Variants in RIMBP2 observed in about 807,000 individuals in gnomAD.
RIMBP2 encodes RIMS binding protein 2, also known as RIMS-binding protein 2.
A neutral mutation model predicts 118.6 loss-of-function variants in RIMBP2; 48 were observed. That is an observed-to-expected ratio of 0.40 (90% CI 0.32 to 0.51). RIMBP2 has a LOEUF of 0.51. RIMBP2 is among the 20% of genes least tolerant of loss of function. RIMBP2 has a pLI of 0.41. For missense variants in RIMBP2, 1,551 were observed against 1,768.3 expected (o/e 0.88, Z 2.20); for synonymous variants, 762 against 742.9 (o/e 1.03, Z -0.42).
chr12:130,558,387 AAC>A (rs2056543893), intron 2 of RIMBP2, among the ~76,000 whole-genome samples: 1 of 152,168 alleles, frequency 6.6e-6, no homozygotes, highest in African/African-American at 2.4e-5. Context: ...TCTCTCTGCA[AAC>A]ACACACAGCT....
chr12:130,540,222 G>C (rs1018836350), intron 2 of RIMBP2, among the ~76,000 whole-genome samples: 2 of 152,220 alleles, frequency 1.3e-5, no homozygotes, highest in Admixed American at 1.3e-4. Context: ...GCTTTGAAAG[G>C]ATGGCCTTGG....
rs567788052 is a variant in RIMBP2, at chr12:130,592,670, T to G, written c.-217+35652A>C. 6.8e-3 allele frequency among the ~76,000 whole-genome samples: 837 copies of G among 123,478 alleles called. 7 individuals carry two copies. Among genetic ancestry groups the G allele is most frequent in the Non-Finnish European group, 0.011 (667 of 59,706 alleles). 81.0% of individuals were successfully genotyped at this position (123,478 alleles called of 152,430 possible). ...CGCCACTGCACTCCAGCCTGGGCAA[T>G]AGAGACTCTGTCAAAAAAAAAAAAA... On this transcript the variant is annotated intron_variant, in intron 2 of 22. Coordinates refer to ENST00000690449, the MANE Select transcript of RIMBP2 (RefSeq NM_001393629.1).
chr12:130,715,829 A>C (rs1436499569), intron 1 of RIMBP2, among the ~76,000 whole-genome samples: 1 of 142,096 alleles, frequency 7.0e-6, no homozygotes, highest in East Asian at 2.3e-4. Context: ...CCTGGGGCGC[A>C]CTCCCCAGGC....
chr12:130,590,795 A>G (rs2059208031), intron 2 of RIMBP2, among the ~76,000 whole-genome samples: 1 of 152,170 alleles, frequency 6.6e-6, no homozygotes, highest in African/African-American at 2.4e-5. Context: ...AAAGCCCAGG[A>G]TGGCAAGGAC....
chr12:130,574,582 G>A (rs1374071679), intron 2 of RIMBP2, among the ~76,000 whole-genome samples: 1 of 152,162 alleles, frequency 6.6e-6, no homozygotes, highest in Admixed American at 6.5e-5. Context: ...TAGGCCGCAG[G>A]CAGCTTCCCC....
chr12:130,618,146 G>T (rs4759501), intron 2 of RIMBP2, among the ~76,000 whole-genome samples: 148,240 of 152,134 alleles, frequency 0.97, 72,342 homozygotes, highest in East Asian at 1. Flanking sequence ...TAGATGGCAG[G>T]TTGCTTGCCC....
At chr12:130,417,875 A>G (rs996086442) in intron 17 of RIMBP2, among the ~76,000 whole-genome samples, 59 of 151,882 alleles carry the variant, frequency 3.9e-4, no homozygotes, top group Middle Eastern at 3.4e-3. Flanking sequence ...GGGAGGGGAG[A>G]GGGAACTGAC....
intron 1 of RIMBP2, among the ~76,000 whole-genome samples, chr12:130,634,141 C>A (rs913843676): frequency 3.9e-5 from 6 of 152,250 alleles, no homozygotes; most frequent in Admixed American, 1.3e-4. Flanking sequence ...ACACCACCTT[C>A]CTTTCCTCAG....
chr12:130,484,035 T>C (rs1195478645), intron 4 of RIMBP2, among the ~76,000 whole-genome samples: 1 of 152,186 alleles, frequency 6.6e-6, no homozygotes, highest in Admixed American at 6.5e-5. Flanking sequence ...CTTGCTGGCA[T>C]GGACAATGTC....
chr12:130,656,081 G>A (rs2063415886), intron 1 of RIMBP2, among the ~76,000 whole-genome samples: 2 of 152,206 alleles, frequency 1.3e-5, no homozygotes, highest in South Asian at 2.1e-4. Flanking sequence ...TGGAGGGTGG[G>A]GAGAAGGGAC....
chr12:130,494,962 G>A (rs529786979), intron 4 of RIMBP2, among the ~76,000 whole-genome samples: 2 of 152,194 alleles, frequency 1.3e-5, no homozygotes, highest in African/African-American at 2.4e-5. Flanking sequence ...CCCATGCCCC[G>A]CTCCAGCTGC....
At chr12:130,427,522 C>A (rs1167296820) in intron 15 of RIMBP2, 1 of 152,314 alleles carries the variant, frequency 6.6e-6, no homozygotes, top group Non-Finnish European at 1.5e-5. Context: ...GAAACCCACC[C>A]TCCTTGGCTC....
chr12:130,574,841 A>G (rs543547147), intron 2 of RIMBP2, among the ~76,000 whole-genome samples: 2 of 152,168 alleles, frequency 1.3e-5, no homozygotes, highest in African/African-American at 4.8e-5. Context: ...GTCCACTCAC[A>G]GGGAAGACAA....
intron 2 of RIMBP2, among the ~76,000 whole-genome samples, chr12:130,573,428 G>A (rs77758409): frequency 0.036 from 5,432 of 151,580 alleles, 224 homozygotes; most frequent in East Asian, 0.17. Context: ...GAGTGTGTGC[G>A]TGGGTGTGTG....
chr12:130,550,727 G>C (rs777776710), intron 2 of RIMBP2, among the ~76,000 whole-genome samples: 1 of 152,236 alleles, frequency 6.6e-6, no homozygotes, highest in Non-Finnish European at 1.5e-5. Flanking sequence ...GATACATTTG[G>C]TTTTCTTATT....
In RIMBP2 at chr12:130,407,923, G is replaced by T. The variant is rs572667420; in HGVS notation, c.3590-94C>A. On this transcript the variant is annotated intron_variant, in intron 19 of 22. Transcript: ENST00000690449. ...TTCCGGGTCACACATGGCCAATACA[G>T]CCGAGACCTGGCACTGCTAACAGGG... The T allele has an allele frequency of 2.7e-6, 3 of 1,104,394 alleles. No homozygotes were observed. In the South Asian group the frequency reaches 3.7e-5, roughly 14 times the overall value. The allele number at this position is 1,104,394 out of a possible 1,614,324, so 68.4% of individuals were successfully genotyped here. A position where few individuals can be genotyped will look rare whatever the true frequency, so the allele number is the denominator to read the frequency against.
intron 15 of RIMBP2, chr12:130,426,346 C>G (rs1197874486): frequency 6.6e-6 from 1 of 150,516 alleles, no homozygotes; most frequent in African/African-American, 2.5e-5. Context: ...ATGGCGCAAT[C>G]TCAGCTCACT....
chr12:130,592,555 G>A (rs938645117), intron 2 of RIMBP2, among the ~76,000 whole-genome samples: 3 of 152,080 alleles, frequency 2.0e-5, no homozygotes, highest in Non-Finnish European at 4.4e-5. Context: ...TGGGCTCAGT[G>A]GCAGGCGCCT....
rs555080116 is a variant in RIMBP2, at chr12:130,416,838, C to T, written c.3239-2532G>A. 5.3e-5 allele frequency among the ~76,000 whole-genome samples: 8 copies of T among 152,008 alleles called. No homozygotes were observed. In the East Asian group the frequency reaches 9.7e-4, roughly 18 times the overall value. On this transcript the variant is annotated intron_variant, in intron 17 of 22. Transcript: ENST00000690449. ...GTGCATCTGACAAAGGTCTAGTGTC[C>T]GGAATCTGCAAGGAACTTAAATCAA...
Sources: gnomAD v4.1 joint callset for allele counts (sites outside exome capture counted in the v4.1 genomes callset) on GRCh38, gnomAD v4.1.1 for gene constraint, MANE v1.5 for transcripts, NCBI Gene and HGNC (gene_info 2026-07-23, HGNC 2026-07-21) for gene names.